TRAPPC10: variants seen among roughly 807,000 people sequenced by gnomAD.
TRAPPC10 encodes the protein TRAPP 130 kDa subunit.
TRAPPC10 carries 23 observed loss-of-function variants against 125.5 expected under a neutral mutation model. That is an observed-to-expected ratio of 0.18 (90% confidence interval 0.13 to 0.26). TRAPPC10 has a LOEUF of 0.26. Ranked by LOEUF, TRAPPC10 falls within the 10% of genes least tolerant of loss-of-function variation. The pLI is 1.00. For missense variants in TRAPPC10, 1,123 were observed against 1,308.4 expected (o/e 0.86, Z 2.19); for synonymous variants, 509 against 518.0 (o/e 0.98, Z 0.24).
chr21:44,046,046 T>TA (rs757612561), intron 3 of TRAPPC10, among the ~76,000 whole-genome samples: 12 of 152,254 alleles, frequency 7.9e-5, no homozygotes, highest in Admixed American at 2.0e-4. Flanking sequence ...AGATGTTTGT[T>TA]ACTATACCTT....
chr21:44,020,401 A>C (rs1184792685), intron 1 of TRAPPC10, among the ~76,000 whole-genome samples: 1 of 152,104 alleles, frequency 6.6e-6, no homozygotes, highest in African/African-American at 2.4e-5. Flanking sequence ...GCTGGATTAC[A>C]GGCATGAGCC....
At chr21:44,027,212 T>C (rs1426528439) in intron 1 of TRAPPC10, among the ~76,000 whole-genome samples, 3 of 152,110 alleles carry the variant, frequency 2.0e-5, no homozygotes, top group Non-Finnish European at 4.4e-5. Context: ...AATCTCCAAA[T>C]AGAAGTATTG....
intron 3 of TRAPPC10, among the ~76,000 whole-genome samples, chr21:44,049,257 T>G (rs1275581676): frequency 6.6e-6 from 1 of 152,196 alleles, no homozygotes; most frequent in African/African-American, 2.4e-5. Flanking sequence ...CACGAGCCCA[T>G]TTCAGTCCAG....
At chr21:44,045,058 C>T (rs1049531473) in intron 3 of TRAPPC10, among the ~76,000 whole-genome samples, 2 of 152,130 alleles carry the variant, frequency 1.3e-5, no homozygotes, top group African/African-American at 4.8e-5. Flanking sequence ...CCTCAGCCTC[C>T]TGAGTAGCTG....
At chr21:44,050,251 C>G (rs1353484822) in intron 3 of TRAPPC10, among the ~76,000 whole-genome samples, 1 of 151,548 alleles carries the variant, frequency 6.6e-6, no homozygotes, top group Non-Finnish European at 1.5e-5. Context: ...TGGAACTTCT[C>G]TGTACTCCCT....
At chr21:44,036,479 C>T (rs1381190692) in intron 2 of TRAPPC10, among the ~76,000 whole-genome samples, 3 of 152,252 alleles carry the variant, frequency 2.0e-5, no homozygotes, top group Admixed American at 1.3e-4. Flanking sequence ...TGCCCCATCA[C>T]TTCTGTGTGC....
rs1025850762 is a variant in TRAPPC10 at position 44,087,614 on chromosome 21, A to G, written c.2540-85A>G. On this transcript the variant is annotated intron_variant, in intron 16 of 22. Transcript: ENST00000291574. This position sits in a 1 kb window ranked among gnomAD's most constrained non-coding sequence, Gnocchi z 4.6. ...GCGGGAGAGGTTGAGCAGTGGCCTC[A>G]CTGCTGGGCCATCACCTGCTGTAAG... 3.2e-5 allele frequency: 40 copies of G among 1,247,868 alleles called. No individual in the cohort carries two copies. Among genetic ancestry groups the G allele is most frequent in the Non-Finnish European group, 4.5e-5 (39 of 869,026 alleles). 77.3% of individuals were successfully genotyped at this position (1,247,868 alleles called of 1,614,324 possible).
chr21:44,020,227 C>T (rs905439540), intron 1 of TRAPPC10, among the ~76,000 whole-genome samples: 1 of 151,500 alleles, frequency 6.6e-6, no homozygotes, highest in Non-Finnish European at 1.5e-5. Flanking sequence ...CCTGGGTTCA[C>T]GCTATTCTCC....
rs960550584 is a variant in TRAPPC10 at position 44,060,421 on chromosome 21, C to T, written c.790+1207C>T. On this transcript the variant is annotated intron_variant, in intron 6 of 22. Coordinates refer to ENST00000291574, the MANE Select transcript of TRAPPC10 (RefSeq NM_003274.5). ...TGCCTCAGCAGTGGGACTGGGACTA[C>T]AGGCGCCTGCCACCACGCCTGGCTA... 6.6e-5 allele frequency among the ~76,000 whole-genome samples: 10 copies of T among 151,944 alleles called. 1 individual carries two copies. The East Asian group carries it at 1.9e-3, about 30-fold the overall frequency.
chr21:44,062,978 C>T (rs2036168174), intron 6 of TRAPPC10: 1 of 1,302,826 alleles, frequency 7.7e-7, no homozygotes, highest in South Asian at 1.2e-5. Flanking sequence ...GGGAGCCTTG[C>T]TGAAATTTTC....
intron 7 of TRAPPC10, among the ~76,000 whole-genome samples, chr21:44,065,243 G>A: frequency 6.6e-6 from 1 of 152,168 alleles, no homozygotes; most frequent in Non-Finnish European, 1.5e-5. Flanking sequence ...GTAATAGAGG[G>A]TGTGGGCTCT....
Position 44,087,964 on chromosome 21 carries a change from G to A in TRAPPC10, c.2769+36G>A. 2 of 1,553,282 alleles carry A rather than the reference G, an allele frequency of 1.3e-6. No individual in the cohort carries two copies. Among genetic ancestry groups the A allele is most frequent in the Non-Finnish European group, 1.8e-6 (2 of 1,141,228 alleles). Reference sequence around the variant, plus strand: ...ACAGTGGAGGAGCTTAGCTTGTGGGGCGTCCGCCGCCCGCCTGCCTGCTGG... The same window carrying A: ...ACAGTGGAGGAGCTTAGCTTGTGGGACGTCCGCCGCCCGCCTGCCTGCTGG... On this transcript the variant is annotated intron_variant, in intron 17 of 22. Coordinates refer to ENST00000291574, the MANE Select transcript of TRAPPC10 (RefSeq NM_003274.5). This position sits in a 1 kb window ranked among gnomAD's most constrained non-coding sequence, Gnocchi z 4.6.
At chr21:44,067,250 A>C (rs2036519570) in intron 7 of TRAPPC10, among the ~76,000 whole-genome samples, 2 of 152,208 alleles carry the variant, frequency 1.3e-5, no homozygotes, top group Non-Finnish European at 2.9e-5. Context: ...GTTGAACCAG[A>C]GGAAGAAGAA....
rs184510442 is a variant in TRAPPC10, at chr21:44,092,725, G to A, written c.2997+676G>A. ...TCAGCCCCTGCATTAGGTTGTGCTGGTTCCTAAAATAATTTAAATATAAAA... is the reference window on the plus strand; with the variant it reads ...TCAGCCCCTGCATTAGGTTGTGCTGATTCCTAAAATAATTTAAATATAAAA... On this transcript the variant is annotated intron_variant, in intron 19 of 22. Transcript: ENST00000291574. 1.9e-3 allele frequency among the ~76,000 whole-genome samples: 284 copies of A among 152,164 alleles called. 1 individual carries two copies. Among genetic ancestry groups the A allele is most frequent in the African/African-American group, 6.6e-3 (273 of 41,506 alleles).
intron 17 of TRAPPC10, chr21:44,089,459 C>A: frequency 2.3e-6 from 1 of 436,010 alleles, no homozygotes. Flanking sequence ...AAATACATGA[C>A]TGAAAGCACT....
chr21:44,034,588 A>G (rs2033849305), intron 2 of TRAPPC10, among the ~76,000 whole-genome samples: 1 of 152,206 alleles, frequency 6.6e-6, no homozygotes, highest in African/African-American at 2.4e-5. Context: ...TACGTTTTTC[A>G]GAAACAACCT....
chr21:44,028,618 G>A (rs1389207789), intron 1 of TRAPPC10, among the ~76,000 whole-genome samples: 1 of 152,166 alleles, frequency 6.6e-6, no homozygotes, highest in Non-Finnish European at 1.5e-5. Flanking sequence ...CAGGGATGGG[G>A]GTGTATGTAG....
Position 44,047,565 on chromosome 21 carries a change from T to TGTGTGTGTGTGTGTGTGTGTGCGC in TRAPPC10, c.286-4714_286-4713insTGTGTGTGTGTGTGTGTGTGCGCG, listed in dbSNP as rs954810521. Among the ~76,000 whole-genome samples the TGTGTGTGTGTGTGTGTGTGTGCGC allele has an allele frequency of 3.8e-3, 559 of 147,122 alleles. 3 individuals are homozygous for TGTGTGTGTGTGTGTGTGTGTGCGC. Among genetic ancestry groups the TGTGTGTGTGTGTGTGTGTGTGCGC allele is most frequent in the African/African-American group, 0.013 (507 of 38,646 alleles). On this transcript the variant is annotated intron_variant, in intron 3 of 22. Transcript: ENST00000291574. ...GTGTGTGTGTGTGTGTGTGTGTGTG[T>TGTGTGTGTGTGTGTGTGTGTGCGC]GCGCGCACACGCTACATGAAGTTCC... is the stretch of plus-strand genomic sequence containing the variant.
At chr21:44,058,729 G>A (rs1189848836) in intron 5 of TRAPPC10, among the ~76,000 whole-genome samples, 1 of 152,298 alleles carries the variant, frequency 6.6e-6, no homozygotes, top group East Asian at 1.9e-4. Flanking sequence ...GGAGCCCTGC[G>A]GCCTCCAGCA....
Sources: allele counts gnomAD v4.1 joint callset (sites outside exome capture counted in the v4.1 genomes callset), GRCh38; gene constraint gnomAD v4.1.1; non-coding constraint Gnocchi (gnomAD v3.1); transcripts MANE v1.5; gene names NCBI Gene and HGNC (gene_info 2026-07-23, HGNC 2026-07-21).